KCTD16: variants seen among roughly 807,000 people sequenced by gnomAD.
KCTD16 encodes potassium channel tetramerization domain containing 16, also known as BTB/POZ domain-containing protein KCTD16.
Under a neutral mutation model 33.2 loss-of-function variants are expected in KCTD16, and 13 were observed. The observed-to-expected ratio is 0.39, with a 90% CI of 0.25 to 0.62. The LOEUF (loss-of-function observed/expected upper bound fraction) is 0.62, where lower values mean the gene tolerates loss of function less well. Ranked by LOEUF, KCTD16 falls within the 20% of genes least tolerant of loss-of-function variation. KCTD16 has a pLI of 0.50. For missense variants in KCTD16, 441 were observed against 525.1 expected (o/e 0.84, Z 1.57); for synonymous variants, 197 against 195.3 (o/e 1.01, Z -0.07).
At position 144,378,184 on chromosome 5, in the gene KCTD16, A is replaced by T. The variant is rs529315010; in HGVS notation, c.833-95476A>T. ...CCTCTTTTTCCCCAGGGAAAGGAAG[A>T]CTACTAGCCTGGAGGTTGGGGTAGG... On this transcript the variant is annotated intron_variant, in intron 3 of 3. Transcript: ENST00000512467. Among the ~76,000 whole-genome samples the T allele has an allele frequency of 3.9e-5, 6 of 152,288 alleles. No homozygotes were observed. The East Asian group carries it at 1.2e-3, about 29-fold the overall frequency.
rs571374383 is a variant in KCTD16 at position 144,342,968 on chromosome 5, G to A, written c.833-130692G>A. ...TGGATGAGCTTTTTGATGTACTGCC[G>A]GATTTGGTTTGCTAGTATTTTATTG... On this transcript the variant is annotated intron_variant, in intron 3 of 3. Transcript: ENST00000512467. 2.4e-4 allele frequency among the ~76,000 whole-genome samples: 37 copies of A among 152,218 alleles called. No individual in the cohort carries two copies. The South Asian group carries it at 2.9e-3, about 12-fold the overall frequency.
intron 3 of KCTD16, among the ~76,000 whole-genome samples, chr5:144,344,222 A>G (rs1752722412): frequency 6.6e-6 from 1 of 152,240 alleles, no homozygotes; most frequent in South Asian, 2.1e-4. Flanking sequence ...GATGGATTAA[A>G]GACTTAAACG....
At chr5:144,252,343 A>T (rs1012094002) in intron 3 of KCTD16, among the ~76,000 whole-genome samples, 5 of 152,158 alleles carry the variant, frequency 3.3e-5, no homozygotes, top group African/African-American at 1.2e-4. Context: ...GGCTATCTAA[A>T]ACCAAAGCAG....
intron 3 of KCTD16, among the ~76,000 whole-genome samples, chr5:144,212,678 T>C (rs548599549): frequency 7.2e-5 from 11 of 152,162 alleles, no homozygotes; most frequent in Admixed American, 7.2e-4. Context: ...CTTCCAGAAA[T>C]GGATAGATGA....
At chr5:144,238,392 C>T (rs922627675) in intron 3 of KCTD16, among the ~76,000 whole-genome samples, 12 of 152,108 alleles carry the variant, frequency 7.9e-5, no homozygotes, top group Non-Finnish European at 1.2e-4. Context: ...CCTGGAGAAT[C>T]GATGAGCTCA....
chr5:144,287,176 G>A (rs975845566), intron 3 of KCTD16, among the ~76,000 whole-genome samples: 5 of 152,160 alleles, frequency 3.3e-5, no homozygotes, highest in Non-Finnish European at 5.9e-5. Flanking sequence ...GATTGCCATC[G>A]GTCTGTGGAA....
intron 3 of KCTD16, among the ~76,000 whole-genome samples, chr5:144,249,390 A>G (rs906954448): frequency 1.3e-5 from 2 of 152,060 alleles, no homozygotes; most frequent in African/African-American, 4.8e-5. Flanking sequence ...TGATTCATTT[A>G]TTTATTTATA....
intron 3 of KCTD16, among the ~76,000 whole-genome samples, chr5:144,427,736 T>G (rs1047511994): frequency 3.9e-5 from 6 of 152,056 alleles, no homozygotes; most frequent in Admixed American, 1.3e-4. Context: ...CAGCCAAGAT[T>G]GAGAATAACT....
intron 3 of KCTD16, among the ~76,000 whole-genome samples, chr5:144,443,070 G>C (rs1433212908): frequency 6.6e-6 from 1 of 152,074 alleles, no homozygotes; most frequent in Admixed American, 6.6e-5. Flanking sequence ...GGCCTTGTTT[G>C]CCTAGAATCA....
chr5:144,370,562 A>T (rs1399673920), intron 3 of KCTD16, among the ~76,000 whole-genome samples: 1 of 152,240 alleles, frequency 6.6e-6, no homozygotes, highest in East Asian at 1.9e-4. Context: ...ATCTTGGAGC[A>T]TGGAAAAGTT....
At chr5:144,286,444 A>G (rs1755748088) in intron 3 of KCTD16, among the ~76,000 whole-genome samples, 1 of 152,202 alleles carries the variant, frequency 6.6e-6, no homozygotes, top group African/African-American at 2.4e-5. Context: ...TTAACAAATA[A>G]TATATACTTC....
chr5:144,329,214 A>G (rs1752290257), intron 3 of KCTD16, among the ~76,000 whole-genome samples: 2 of 152,228 alleles, frequency 1.3e-5, no homozygotes, highest in African/African-American at 4.8e-5. Context: ...CACAGGTGTA[A>G]TGAATGTCTT....
intron 3 of KCTD16, among the ~76,000 whole-genome samples, chr5:144,215,891 T>G (rs1007566926): frequency 7.9e-5 from 12 of 152,238 alleles, no homozygotes; most frequent in Non-Finnish European, 2.9e-5. Context: ...AGTCACTTTA[T>G]AAGAAGAAGT....
In KCTD16 at chr5:144,481,373, G is replaced by A. The variant is rs1024893099; in HGVS notation, c.*7259G>A. 1.3e-5 allele frequency: 2 copies of A among 151,856 alleles called. No individual in the cohort carries two copies. The highest frequency in any genetic ancestry group is 2.1e-4 in the South Asian group (1 of 4,836). The allele number at this position is 151,856 out of a possible 1,614,324, so 9.4% of individuals were successfully genotyped here. A position where few individuals can be genotyped will look rare whatever the true frequency, so the allele number is the denominator to read the frequency against. On this transcript the variant is annotated 3_prime_UTR_variant, in exon 4 of 4. Coordinates refer to ENST00000512467, the MANE Select transcript of KCTD16 (RefSeq NM_020768.4). ...TTGAGTTGAATATTCCCTCTCTGAG[G>A]ATGGTAAAATCTTATTGGAAAATAT...
intron 3 of KCTD16, among the ~76,000 whole-genome samples, chr5:144,280,494 T>C (rs892557661): frequency 4.6e-5 from 7 of 152,242 alleles, no homozygotes; most frequent in African/African-American, 1.4e-4. Context: ...CTTCTTTTAA[T>C]GTCTGTGGAG....
At chr5:144,358,281 C>A (rs1247324465) in intron 3 of KCTD16, among the ~76,000 whole-genome samples, 6 of 151,896 alleles carry the variant, frequency 4.0e-5, no homozygotes, top group African/African-American at 1.5e-4. Flanking sequence ...TGTTGAAGAC[C>A]AACTAAAATG....
chr5:144,239,146 C>T (rs1754333360), intron 3 of KCTD16, among the ~76,000 whole-genome samples: 1 of 152,088 alleles, frequency 6.6e-6, no homozygotes, highest in African/African-American at 2.4e-5. Context: ...TAATACTTTC[C>T]AGATAGCATC....
intron 3 of KCTD16, among the ~76,000 whole-genome samples, chr5:144,315,202 G>T (rs1283583782): frequency 2.0e-5 from 3 of 152,122 alleles, no homozygotes; most frequent in Non-Finnish European, 4.4e-5. Flanking sequence ...TTTGACTTTG[G>T]AGCATTAGAG....
chr5:144,262,063 T>C (rs148466890), intron 3 of KCTD16, among the ~76,000 whole-genome samples: 358 of 151,954 alleles, frequency 2.4e-3, no homozygotes, highest in Non-Finnish European at 4.0e-3. Context: ...AGAAAGACAA[T>C]AAAAAGAAAT....
Sources: gnomAD v4.1 joint callset for allele counts (sites outside exome capture counted in the v4.1 genomes callset) on GRCh38, gnomAD v4.1.1 for gene constraint, MANE v1.5 for transcripts, NCBI Gene and HGNC (gene_info 2026-07-23, HGNC 2026-07-21) for gene names.